Variants in CARMIL1 observed in about 807,000 individuals in gnomAD.
CARMIL1 encodes capping protein regulator and myosin 1 linker 1, also known as F-actin-uncapping protein LRRC16A.
Under a neutral mutation model 177.1 loss-of-function variants are expected in CARMIL1, and 90 were observed. The ratio of observed to expected loss-of-function variants is 0.51; its 90% CI spans 0.43 to 0.61. CARMIL1 has a LOEUF of 0.61. Ranked by LOEUF, CARMIL1 falls within the 20% of genes least tolerant of loss-of-function variation. CARMIL1 has a pLI of 0.00. For synonymous variants in CARMIL1, 577 were observed against 606.2 expected, an observed-to-expected ratio of 0.95 and a Z score of 0.71; for missense variants, 1,380 against 1,667.0, an observed-to-expected ratio of 0.83 and a Z score of 3.00.
intron 2 of CARMIL1, among the ~76,000 whole-genome samples, chr6:25,336,728 A>G (rs767984280): frequency 3.9e-5 from 6 of 152,188 alleles, no homozygotes; most frequent in Non-Finnish European, 7.3e-5. Context: ...CATGGTAGGC[A>G]CTCAATAAAT....
intron 2 of CARMIL1, among the ~76,000 whole-genome samples, chr6:25,383,303 A>G (rs1203588855): frequency 6.6e-6 from 1 of 152,196 alleles, no homozygotes; most frequent in East Asian, 1.9e-4. Flanking sequence ...ATGTACATAG[A>G]TGTAGAAGGA....
intron 5 of CARMIL1, among the ~76,000 whole-genome samples, chr6:25,443,465 G>A (rs898248806): frequency 1.5e-4 from 23 of 151,944 alleles, no homozygotes; most frequent in Admixed American, 9.8e-4. Context: ...GCATTTACAC[G>A]GAATTTGAAG....
In CARMIL1 at chr6:25,577,877, G is replaced by A. The variant is rs1366881307; in HGVS notation, c.2743-3047G>A. 6.6e-6 allele frequency among the ~76,000 whole-genome samples: 1 copy of A among 152,084 alleles called. No homozygotes were observed. The highest frequency in any genetic ancestry group is 1.5e-5 in the Non-Finnish European group (1 of 68,002). On this transcript the variant is annotated intron_variant, in intron 29 of 36. Coordinates refer to ENST00000329474, the MANE Select transcript of CARMIL1 (RefSeq NM_017640.6). The surrounding 1 kb of genome is among the most constrained non-coding windows in gnomAD (Gnocchi z 4.5). Reference sequence around the variant, plus strand: ...TGTTCACAGTGTCTGCCACAATGGGGACTTATTGATGATTTGTGATGTTAG... The same window carrying A: ...TGTTCACAGTGTCTGCCACAATGGGAACTTATTGATGATTTGTGATGTTAG...
In CARMIL1 at chr6:25,426,504, G is replaced by C. The variant is rs1203511642; in HGVS notation, c.193G>C (p.Glu65Gln). ...LVTARIPTKLELTFSYLEIHG... is the reference protein window; with the variant it reads ...LVTARIPTKLQLTFSYLEIHG... ...CCTCCTTTCCCCTCAATTGCAGCTC[G>C]AGTTAACCTTCAGCTACTTGGAGAT... Residue 65 changes from glutamate (E) to glutamine (Q), a missense_variant, in exon 4 of 37, where the codon GAG becomes CAG. By Grantham distance (29) the Glu-to-Gln change is conservative. Coordinates refer to ENST00000329474, the MANE Select transcript of CARMIL1 (RefSeq NM_017640.6). The C allele has an allele frequency of 6.2e-7, 1 of 1,609,916 alleles. No homozygotes were observed. The highest frequency in any genetic ancestry group is 1.7e-5 in the Admixed American group (1 of 59,710).
chr6:25,482,889 A>G (rs1436847489), intron 12 of CARMIL1, among the ~76,000 whole-genome samples: 2 of 152,174 alleles, frequency 1.3e-5, no homozygotes, highest in Admixed American at 1.3e-4. Context: ...CAGCACCTCA[A>G]TAATAATATT....
At chr6:25,447,779 C>G (rs1403737751) in intron 5 of CARMIL1, among the ~76,000 whole-genome samples, 2 of 152,124 alleles carry the variant, frequency 1.3e-5, no homozygotes, top group Admixed American at 1.3e-4. Flanking sequence ...AGTATTTGGA[C>G]TTTTTCAAGG....
At chr6:25,575,405 T>A (rs1407984027) in intron 29 of CARMIL1, among the ~76,000 whole-genome samples, 2 of 152,188 alleles carry the variant, frequency 1.3e-5, no homozygotes, top group Non-Finnish European at 2.9e-5. Context: ...CTTATAATGA[T>A]CTTTAGGTGG....
In CARMIL1 at chr6:25,554,023, C is replaced by T; in HGVS notation, c.2519C>T (p.Thr840Ile). 1 of 1,598,736 alleles carries T rather than the reference C, an allele frequency of 6.3e-7. No homozygotes were observed. The highest frequency in any genetic ancestry group is 8.5e-7 in the Non-Finnish European group (1 of 1,171,930). The part of the protein sequence containing the change: ...ILNKISEVKL[T>I]VASFLSDRIV... ...TTTTCACACAGTGAAGTAAAATTGACAGTGGCCTCGTTCCTGTCTGATAGA... is the reference window on the plus strand; with the variant it reads ...TTTTCACACAGTGAAGTAAAATTGATAGTGGCCTCGTTCCTGTCTGATAGA... The change falls in exon 28 of 37, where the codon ACA (threonine) becomes ATA (isoleucine). Residue 840 changes from threonine (T) to isoleucine (I), a missense_variant. Thr to Ile is a moderately conservative substitution (Grantham distance 89). Transcript: ENST00000329474. The surrounding 1 kb of genome is among the most constrained non-coding windows in gnomAD (Gnocchi z 4.6).
intron 5 of CARMIL1, among the ~76,000 whole-genome samples, chr6:25,442,960 A>G (rs1015341882): frequency 2.6e-5 from 4 of 152,182 alleles, no homozygotes; most frequent in African/African-American, 9.7e-5. Context: ...CTGTAGTTGT[A>G]GACTGTCAGC....
intron 24 of CARMIL1, among the ~76,000 whole-genome samples, chr6:25,529,652 C>A (rs1022419075): frequency 1.1e-5 from 1 of 92,308 alleles, no homozygotes; most frequent in Admixed American, 1.1e-4. Context: ...TAAGAATAGG[C>A]TGCTAGAATG....
intron 32 of CARMIL1, among the ~76,000 whole-genome samples, chr6:25,596,850 G>GACACACACAC (rs34651019): frequency 4.4e-4 from 65 of 149,166 alleles, no homozygotes; most frequent in Admixed American, 6.0e-4. Flanking sequence ...CAAACACACA[G>GACACACACAC]ACACACACAC....
chr6:25,332,408 G>C (rs1166972432), intron 2 of CARMIL1, among the ~76,000 whole-genome samples: 2 of 152,168 alleles, frequency 1.3e-5, no homozygotes, highest in East Asian at 3.8e-4. Flanking sequence ...AGTGGCTTGG[G>C]TGAGTGTTTG....
At chr6:25,434,626 C>T (rs554296807) in intron 4 of CARMIL1, among the ~76,000 whole-genome samples, 3 of 150,200 alleles carry the variant, frequency 2.0e-5, no homozygotes, top group East Asian at 2.0e-4. Context: ...TGGGTTCAAG[C>T]GAATCTCGTG....
rs538226189 is a variant in CARMIL1 at position 25,428,852 on chromosome 6, G to T, written c.249+2292G>T. On this transcript the variant is annotated intron_variant, in intron 4 of 36. Transcript: ENST00000329474. ...TCTTGCTGGTATTAGAAATATAATTGATTTTTGCATATTGACCTTATATCC... is the reference window on the plus strand; with the variant it reads ...TCTTGCTGGTATTAGAAATATAATTTATTTTTGCATATTGACCTTATATCC... Among the ~76,000 whole-genome samples, 4 of 152,142 alleles carry T rather than the reference G, an allele frequency of 2.6e-5. No individual in the cohort carries two copies. The South Asian group carries it at 6.2e-4, about 24-fold the overall frequency.
chr6:25,606,406 A>G, intron 35 of CARMIL1, 133 bp downstream of exon 35: 2 of 738,726 alleles, frequency 2.7e-6, no homozygotes, highest in Non-Finnish European at 4.4e-6. Flanking sequence ...GGGGATCACA[A>G]GAAACCTATG....
chr6:25,317,641 G>A (rs774063999), intron 2 of CARMIL1, among the ~76,000 whole-genome samples: 2 of 143,682 alleles, frequency 1.4e-5, no homozygotes, highest in African/African-American at 2.6e-5. Context: ...ATCACAGCTC[G>A]CTGCAGCCTC....
At chr6:25,453,620 C>G (rs932879489) in intron 8 of CARMIL1, among the ~76,000 whole-genome samples, 14 of 152,202 alleles carry the variant, frequency 9.2e-5, no homozygotes, top group Non-Finnish European at 2.9e-5. Context: ...GTTTAAAAAA[C>G]TAGGAGCTTG....
chr6:25,484,877 G>T (rs918416892), intron 12 of CARMIL1, among the ~76,000 whole-genome samples: 2 of 152,038 alleles, frequency 1.3e-5, no homozygotes, highest in Non-Finnish European at 2.9e-5. Flanking sequence ...TAAGATAAAG[G>T]TGGTTTTTAA....
rs1213400965 is a variant in CARMIL1, at chr6:25,488,595, C to G, written c.1065+10C>G. On this transcript the variant is annotated intron_variant, in intron 13 of 36. Coordinates refer to ENST00000329474, the MANE Select transcript of CARMIL1 (RefSeq NM_017640.6). ...TGGAGATGACCTCTCAGTAAGTTTTCTTTTCTTTATTCCATCTTCGAAGAA... is the reference window on the plus strand; with the variant it reads ...TGGAGATGACCTCTCAGTAAGTTTTGTTTTCTTTATTCCATCTTCGAAGAA... 6 of 1,595,896 alleles carry G rather than the reference C, an allele frequency of 3.8e-6. No homozygotes were observed.
Sources: gnomAD v4.1 joint callset for allele counts (sites outside exome capture counted in the v4.1 genomes callset) on GRCh38, gnomAD v4.1.1 for gene constraint, Gnocchi (gnomAD v3.1) non-coding constraint, MANE v1.5 for transcripts, NCBI Gene and HGNC (gene_info 2026-07-23, HGNC 2026-07-21) for gene names.